PALM2AKAP2: variants seen among roughly 807,000 people sequenced by gnomAD.
PALM2AKAP2 encodes PALM2-AKAP2 fusion protein.
In PALM2AKAP2, 37 loss-of-function variants were observed where a neutral mutation model predicts 71.5. The observed-to-expected ratio is 0.52, with a 90% CI of 0.40 to 0.68. The LOEUF (loss-of-function observed/expected upper bound fraction) is 0.68, where lower values mean the gene tolerates loss of function less well. Ranked by LOEUF, PALM2AKAP2 falls within the 30% of genes least tolerant of loss-of-function variation. The pLI is 0.00. For missense variants in PALM2AKAP2, 1,224 were observed against 1,191.8 expected (o/e 1.03, Z -0.40); for synonymous variants, 468 against 478.8 (o/e 0.98, Z 0.29).
intron 6 of PALM2AKAP2, among the ~76,000 whole-genome samples, chr9:109,962,256 A>G (rs1445746839): frequency 6.6e-6 from 1 of 152,346 alleles, no homozygotes; most frequent in East Asian, 1.9e-4. Flanking sequence ...ACTGCCTGGT[A>G]AATACTGGCA....
intron 1 of PALM2AKAP2, among the ~76,000 whole-genome samples, chr9:110,098,971 A>G (rs777102985): frequency 2.6e-5 from 4 of 152,218 alleles, no homozygotes; most frequent in Non-Finnish European, 4.4e-5. Context: ...TTTTTCAGTT[A>G]GATTTTTTCA....
At chr9:109,782,738 GTTTGTT>G (rs1564146104) in intron 1 of PALM2AKAP2, among the ~76,000 whole-genome samples, 3 of 131,326 alleles carry the variant, frequency 2.3e-5, no homozygotes, top group African/African-American at 1.0e-4. Flanking sequence ...AACAGCGTGT[GTTTGTT>G]TGTGTGTGTG....
intron 1 of PALM2AKAP2, among the ~76,000 whole-genome samples, chr9:109,768,032 A>AGGCAGGTAGGTAG (rs1829188943): frequency 4.2e-5 from 2 of 47,132 alleles, no homozygotes; most frequent in African/African-American, 3.5e-4. Flanking sequence ...AAGGAAGGAA[A>AGGCAGGTAGGTAG]GAAAAAGAGG....
At chr9:109,953,514 G>A (rs1831682066) in intron 6 of PALM2AKAP2, among the ~76,000 whole-genome samples, 1 of 152,138 alleles carries the variant, frequency 6.6e-6, no homozygotes, top group Non-Finnish European at 1.5e-5. Flanking sequence ...CTCCCACACA[G>A]AGAGCTATGT....
intron 1 of PALM2AKAP2, among the ~76,000 whole-genome samples, chr9:110,081,105 GA>G (rs1391188786): frequency 7.2e-5 from 11 of 152,198 alleles, no homozygotes; most frequent in South Asian, 2.1e-4. Flanking sequence ...TATTTAAAGT[GA>G]ATGCAGTAAG....
chr9:110,122,758 A>T (rs1443519038), intron 1 of PALM2AKAP2, among the ~76,000 whole-genome samples: 1 of 152,204 alleles, frequency 6.6e-6, no homozygotes. Context: ...CCCCAGGGCA[A>T]GGCACCCTCA....
At chr9:110,048,976 G>A (rs1484970512) in intron 1 of PALM2AKAP2, 2 of 1,287,070 alleles carry the variant, frequency 1.6e-6, no homozygotes, top group East Asian at 5.8e-5. Context: ...AGCACCGCGG[G>A]CTTTTAAAGG....
chr9:109,755,782 A>G (rs1828954924), intron 1 of PALM2AKAP2, among the ~76,000 whole-genome samples: 1 of 151,728 alleles, frequency 6.6e-6, no homozygotes, highest in South Asian at 2.1e-4. Flanking sequence ...TTATTTATTT[A>G]TTTATTATAT....
chr9:109,720,285 G>C (rs1828385603), intron 1 of PALM2AKAP2, among the ~76,000 whole-genome samples: 1 of 152,014 alleles, frequency 6.6e-6, no homozygotes, highest in East Asian at 1.9e-4. Context: ...TGCTGTGCCT[G>C]GCCTATATTT....
At position 109,938,032 on chromosome 9, in the gene PALM2AKAP2, A is replaced by G. The variant is rs76880237; in HGVS notation, c.496+6004A>G. 3.8e-3 allele frequency among the ~76,000 whole-genome samples: 585 copies of G among 152,334 alleles called. 6 individuals carry two copies. The highest frequency in any genetic ancestry group is 0.029 in the East Asian group (149 of 5,194). On this transcript the variant is annotated intron_variant, in intron 6 of 9. Transcript: ENST00000302798. ...TGTGGTTAGAGACAAAGGGATGAAA[A>G]GTGTGAGAGGCCATTGGTATAAACT...
intron 1 of PALM2AKAP2, among the ~76,000 whole-genome samples, chr9:109,660,465 T>G (rs971209054): frequency 1.3e-5 from 2 of 152,122 alleles, no homozygotes; most frequent in African/African-American, 4.8e-5. Context: ...TCTGTCCTTG[T>G]GATAGTTTGC....
At chr9:109,722,043 T>G (rs1011223072) in intron 1 of PALM2AKAP2, among the ~76,000 whole-genome samples, 3 of 152,210 alleles carry the variant, frequency 2.0e-5, no homozygotes, top group African/African-American at 7.2e-5. Flanking sequence ...ATCTTACCAA[T>G]AGAGTCATAC....
At chr9:109,926,700 C>T (rs967470097) in intron 5 of PALM2AKAP2, among the ~76,000 whole-genome samples, 6 of 151,730 alleles carry the variant, frequency 4.0e-5, no homozygotes. Flanking sequence ...CTTTTTTTTT[C>T]CCTTCCCTTC....
chr9:109,656,385 A>T (rs561487055), intron 1 of PALM2AKAP2, among the ~76,000 whole-genome samples: 16 of 152,160 alleles, frequency 1.1e-4, no homozygotes, highest in Admixed American at 2.0e-4. Flanking sequence ...GCAGAGGAAG[A>T]ATAAAAACAT....
chr9:110,066,933 A>G (rs954736015), intron 1 of PALM2AKAP2, among the ~76,000 whole-genome samples: 2 of 152,000 alleles, frequency 1.3e-5, no homozygotes, highest in Non-Finnish European at 1.5e-5. Context: ...TCAGATTATG[A>G]TAGTTTTAGC....
chr9:109,995,716 C>T (rs1315879971), intron 6 of PALM2AKAP2, among the ~76,000 whole-genome samples: 1 of 152,202 alleles, frequency 6.6e-6, no homozygotes, highest in African/African-American at 2.4e-5. Flanking sequence ...CACCAGGTCC[C>T]TCCCATGGCG....
chr9:109,824,220 G>A (rs1828083894), intron 1 of PALM2AKAP2, among the ~76,000 whole-genome samples: 2 of 152,166 alleles, frequency 1.3e-5, no homozygotes, highest in African/African-American at 4.8e-5. Flanking sequence ...CTGCCACAAG[G>A]GTTTCCAAGG....
intron 1 of PALM2AKAP2, among the ~76,000 whole-genome samples, chr9:109,720,435 C>A (rs1443889572): frequency 6.6e-6 from 1 of 152,112 alleles, no homozygotes; most frequent in Non-Finnish European, 1.5e-5. Flanking sequence ...GATATTGAGA[C>A]TATTGGTAGA....
chr9:110,138,269 G>A, exon 2 of PALM2AKAP2: 8 of 1,614,230 alleles, frequency 5.0e-6, no homozygotes, highest in Non-Finnish European at 6.8e-6. Context: ...CAGGCCCGAA[G>A]GAAGCTATTT....
Sources: allele counts gnomAD v4.1 joint callset (sites outside exome capture counted in the v4.1 genomes callset), GRCh38; gene constraint gnomAD v4.1.1; transcripts MANE v1.5; gene names NCBI Gene and HGNC (gene_info 2026-07-23, HGNC 2026-07-21).